Variants in MGAT4C observed in about 807,000 individuals in gnomAD.
MGAT4C encodes MGAT4 family member C.
A neutral mutation model predicts 40.1 loss-of-function variants in MGAT4C; 19 were observed. The ratio of observed to expected loss-of-function variants is 0.47; its 90% confidence interval spans 0.33 to 0.70. The LOEUF (loss-of-function observed/expected upper bound fraction) is 0.70, where lower values mean the gene tolerates loss of function less well. MGAT4C is among the 30% of genes least tolerant of loss of function. The pLI is 0.02. For synonymous variants in MGAT4C, 181 were observed against 187.1 expected (o/e 0.97, Z 0.27); for missense variants, 491 against 563.2 (o/e 0.87, Z 1.30).
At chr12:86,450,853 CAT>C (rs542532792) in intron 2 of MGAT4C, among the ~76,000 whole-genome samples, 178 of 152,058 alleles carry the variant, frequency 1.2e-3, no homozygotes, top group African/African-American at 4.2e-3. Context: ...TGTTTTTATC[CAT>C]ATGTGTGCAC....
At chr12:86,625,040 T>A in intron 2 of MGAT4C, among the ~76,000 whole-genome samples, 1 of 151,928 alleles carries the variant, frequency 6.6e-6, no homozygotes. Context: ...TGATAGTGAG[T>A]GAGTTCTCAT....
chr12:86,797,987 T>A (rs1429561539), intron 1 of MGAT4C, among the ~76,000 whole-genome samples: 1 of 151,992 alleles, frequency 6.6e-6, no homozygotes, highest in African/African-American at 2.4e-5. Flanking sequence ...TTGTGTTCTT[T>A]ATATCTTAAC....
Position 86,810,708 on chromosome 12 carries a change from A to C in MGAT4C, c.-262+27958T>G, listed in dbSNP as rs138482826. 6.1e-3 allele frequency among the ~76,000 whole-genome samples: 924 copies of C among 151,826 alleles called. 11 individuals are homozygous for C. The highest frequency in any genetic ancestry group is 0.021 in the African/African-American group (888 of 41,428). ...GATCATGGCCTATAATTATTTTCAT[A>C]TATATTGTAGTTGATCTTCTAATAT... On this transcript the variant is annotated intron_variant, in intron 1 of 7. Transcript: ENST00000548651.
chr12:86,787,619 C>T (rs968676187), intron 1 of MGAT4C, among the ~76,000 whole-genome samples: 5 of 151,938 alleles, frequency 3.3e-5, no homozygotes, highest in African/African-American at 1.2e-4. Context: ...AGTCAAAAAA[C>T]AACAGCTATT....
intron 2 of MGAT4C, among the ~76,000 whole-genome samples, chr12:86,644,751 A>C (rs1963489243): frequency 6.6e-6 from 1 of 151,780 alleles, no homozygotes; most frequent in African/African-American, 2.4e-5. Flanking sequence ...ATATAAAAAT[A>C]AAATTTAATT....
At chr12:86,409,431 G>A (rs965707147) in intron 3 of MGAT4C, among the ~76,000 whole-genome samples, 1 of 152,034 alleles carries the variant, frequency 6.6e-6, no homozygotes, top group African/African-American at 2.4e-5. Flanking sequence ...AAAACCTGTG[G>A]CAATTGGAGA....
At chr12:86,585,000 A>G (rs932082870) in intron 2 of MGAT4C, among the ~76,000 whole-genome samples, 2 of 151,322 alleles carry the variant, frequency 1.3e-5, no homozygotes, top group African/African-American at 4.8e-5. Context: ...ATTAGTGAAA[A>G]TTTTTGTTCT....
At chr12:86,285,891 A>T (rs1300443582) in intron 4 of MGAT4C, among the ~76,000 whole-genome samples, 2 of 152,020 alleles carry the variant, frequency 1.3e-5, no homozygotes, top group Non-Finnish European at 2.9e-5. Flanking sequence ...TAATGACATA[A>T]AAATGCTTAC....
At chr12:86,420,164 C>A (rs761836457) in intron 3 of MGAT4C, among the ~76,000 whole-genome samples, 2 of 151,856 alleles carry the variant, frequency 1.3e-5, no homozygotes, top group African/African-American at 4.8e-5. Context: ...AATTGCTTGA[C>A]CCCAGGAGTT....
At chr12:86,632,748 G>A (rs1963099780) in intron 2 of MGAT4C, among the ~76,000 whole-genome samples, 1 of 150,534 alleles carries the variant, frequency 6.6e-6, no homozygotes, top group South Asian at 2.1e-4. Context: ...CACACACTGG[G>A]GCCTGTTGTG....
chr12:86,578,228 G>T (rs913078423), intron 2 of MGAT4C, among the ~76,000 whole-genome samples: 2 of 151,688 alleles, frequency 1.3e-5, no homozygotes, highest in South Asian at 4.1e-4. Flanking sequence ...ACAGGCCCTG[G>T]ACCTTGTGCC....
intron 2 of MGAT4C, among the ~76,000 whole-genome samples, chr12:86,444,935 A>G (rs1592856295): frequency 6.6e-6 from 1 of 152,220 alleles, no homozygotes; most frequent in East Asian, 1.9e-4. Flanking sequence ...AAAAGTACAT[A>G]CTATATGACT....
chr12:86,182,482 C>T (rs191722313), intron 1 of MGAT4C, among the ~76,000 whole-genome samples: 56 of 152,186 alleles, frequency 3.7e-4, no homozygotes, highest in African/African-American at 1.3e-3. Flanking sequence ...GTAAATCCCA[C>T]CTTTCCCATT....
At position 85,960,637 on chromosome 12, in the gene MGAT4C, T is replaced by C. The variant is rs1883064201; in HGVS notation, c.*18652A>G. The C allele has an allele frequency of 6.6e-6, 1 of 151,976 alleles. No individual in the cohort carries two copies. Among genetic ancestry groups the C allele is most frequent in the Non-Finnish European group, 1.5e-5 (1 of 67,884 alleles). 9.4% of individuals were successfully genotyped at this position (151,976 alleles called of 1,614,324 possible). ...ATATAGAATGGGTTGCATTATCCTC[T>C]CCTTGGAAATATCTTTCAAAGTGGG... On this transcript the variant is annotated 3_prime_UTR_variant, in exon 5 of 5. Transcript: ENST00000611864.
chr12:86,591,759 C>T (rs971512695), intron 2 of MGAT4C, among the ~76,000 whole-genome samples: 2 of 151,502 alleles, frequency 1.3e-5, no homozygotes, highest in Non-Finnish European at 3.0e-5. Context: ...TTACCTTTTG[C>T]AAATTTAATT....
intron 1 of MGAT4C, among the ~76,000 whole-genome samples, chr12:86,074,102 G>C (rs1869161737): frequency 6.6e-6 from 1 of 152,114 alleles, no homozygotes; most frequent in African/African-American, 2.4e-5. Flanking sequence ...CACAAGATCT[G>C]ATATGTTTAT....
rs1419714254 is a variant in MGAT4C, at chr12:86,828,893, G to T, written c.-262+9773C>A. ...AAGTGGACACGTGGATTCTTTCTGG[G>T]ATGATGAAAATATTCTAAACCTGGA... On this transcript the variant is annotated intron_variant, in intron 1 of 7. Transcript: ENST00000548651. Among the ~76,000 whole-genome samples the T allele has an allele frequency of 4.6e-5, 7 of 151,426 alleles. No homozygotes were observed. The Admixed American group carries it at 4.6e-4, about 10-fold the overall frequency.
intron 1 of MGAT4C, among the ~76,000 whole-genome samples, chr12:86,227,522 CCT>C (rs1951138299): frequency 6.6e-6 from 1 of 151,782 alleles, no homozygotes; most frequent in African/African-American, 2.4e-5. Context: ...CAAAAGCCAC[CCT>C]GTTAGAGATA....
chr12:86,557,768 G>A (rs1959682207), intron 2 of MGAT4C, among the ~76,000 whole-genome samples: 1 of 152,134 alleles, frequency 6.6e-6, no homozygotes, highest in East Asian at 1.9e-4. Context: ...TTGGGAAACA[G>A]TGACTATTTC....
Sources: gnomAD v4.1 joint callset for allele counts (sites outside exome capture counted in the v4.1 genomes callset) on GRCh38, gnomAD v4.1.1 for gene constraint, MANE v1.5 for transcripts, NCBI Gene and HGNC (gene_info 2026-07-23, HGNC 2026-07-21) for gene names.